PAIP1: variants seen among roughly 807,000 people sequenced by gnomAD.
PAIP1 encodes poly(A) binding protein interacting protein 1.
A neutral mutation model predicts 61.3 loss-of-function variants in PAIP1; 16 were observed. That is an observed-to-expected ratio of 0.26 (90% CI 0.18 to 0.40). PAIP1 has a LOEUF of 0.40. Ranked by LOEUF, PAIP1 falls within the 10% of genes least tolerant of loss-of-function variation. PAIP1 has a pLI of 1.00. For synonymous variants in PAIP1, 187 were observed against 226.2 expected, an observed-to-expected ratio of 0.83 and a Z score of 1.56; for missense variants, 416 against 600.9, an observed-to-expected ratio of 0.69 and a Z score of 3.22.
At chr5:43,546,024 C>T (rs887836959) in intron 3 of PAIP1, among the ~76,000 whole-genome samples, 2 of 152,220 alleles carry the variant, frequency 1.3e-5, no homozygotes, top group East Asian at 1.9e-4. Flanking sequence ...CCACCCGCCT[C>T]GGCCTCCCAA....
intron 2 of PAIP1, among the ~76,000 whole-genome samples, chr5:43,554,117 A>G (rs1339746283): frequency 1.3e-5 from 2 of 152,198 alleles, no homozygotes; most frequent in African/African-American, 4.8e-5. Flanking sequence ...GCAGTGGCTC[A>G]AAGTAGGTGG....
chr5:43,535,000 T>C (rs1747088355), intron 7 of PAIP1, 30 bp from the exon 8 acceptor site: 3 of 1,214,234 alleles, frequency 2.5e-6, no homozygotes, highest in South Asian at 2.4e-5. Flanking sequence ...TGAGTTAGTG[T>C]ATCCACCATA....
chr5:43,530,415 A>C (rs905916137), intron 9 of PAIP1, among the ~76,000 whole-genome samples: 6 of 152,322 alleles, frequency 3.9e-5, no homozygotes, highest in African/African-American at 1.4e-4. Context: ...CCTATCTGCC[A>C]ATTGTCTTAG....
chr5:43,528,846 T>C (rs4467713), intron 10 of PAIP1, among the ~76,000 whole-genome samples: 63,490 of 152,032 alleles, frequency 0.42, 15,927 homozygotes, highest in East Asian at 0.91. Context: ...GTTAACAGAA[T>C]TGGTACTAAA....
At chr5:43,555,183 GGTTA>G (rs1748013243) in intron 2 of PAIP1, among the ~76,000 whole-genome samples, 1 of 152,160 alleles carries the variant, frequency 6.6e-6, no homozygotes, top group African/African-American at 2.4e-5. Flanking sequence ...CTGGGATGCT[GGTTA>G]GTTGAGTGTT....
chr5:43,529,192 A>AGAAGT, intron 10 of PAIP1, among the ~76,000 whole-genome samples: 1 of 152,188 alleles, frequency 6.6e-6, no homozygotes, highest in East Asian at 1.9e-4. Flanking sequence ...GAAGCAGAAC[A>AGAAGT]GAAGTTGCCC....
chr5:43,530,622 G>A (rs965327766), intron 9 of PAIP1, among the ~76,000 whole-genome samples: 21 of 152,150 alleles, frequency 1.4e-4, no homozygotes, highest in African/African-American at 3.9e-4. Flanking sequence ...GTATAAAACC[G>A]TAACTCCAGC....
chr5:43,555,760 G>T, intron 2 of PAIP1, 70 bp downstream of exon 2: 3 of 1,348,190 alleles, frequency 2.2e-6, no homozygotes, highest in Non-Finnish European at 2.0e-6. Flanking sequence ...AACATACTCT[G>T]ATTAACAAAG....
chr5:43,542,532 T>TTA (rs1747455923), intron 4 of PAIP1, among the ~76,000 whole-genome samples: 2 of 95,708 alleles, frequency 2.1e-5, no homozygotes, highest in African/African-American at 9.9e-5. Flanking sequence ...AGACTCCATC[T>TTA]CAAAAAAAAA....
chr5:43,550,006 G>C (rs903521674), intron 2 of PAIP1, among the ~76,000 whole-genome samples: 1 of 151,046 alleles, frequency 6.6e-6, no homozygotes, highest in Non-Finnish European at 1.5e-5. Context: ...TTACAGGCGA[G>C]AGCCACCATG....
rs1406557405 is a variant in PAIP1 at position 43,556,880 on chromosome 5, G to A, written c.-34C>T. 2.9e-6 allele frequency: 4 copies of A among 1,365,920 alleles called. No individual in the cohort carries two copies. Among genetic ancestry groups the A allele is most frequent in the South Asian group, 1.8e-5 (1 of 57,092 alleles). The allele number at this position is 1,365,920 out of a possible 1,614,324, so 84.6% of individuals were successfully genotyped here. On this transcript the variant is annotated 5_prime_UTR_variant, in exon 1 of 11. Coordinates refer to ENST00000306846, the MANE Select transcript of PAIP1 (RefSeq NM_006451.5). ...TCCTCCGCCTCCTCCTCCAGGGGCCGCTGCCGCTGCGCTCGCGATAGGACG... is the reference window on the plus strand; with the variant it reads ...TCCTCCGCCTCCTCCTCCAGGGGCCACTGCCGCTGCGCTCGCGATAGGACG...
intron 2 of PAIP1, among the ~76,000 whole-genome samples, chr5:43,555,510 T>C (rs1748024346): frequency 6.6e-6 from 1 of 152,240 alleles, no homozygotes; most frequent in South Asian, 2.1e-4. Flanking sequence ...ATGTAAATAC[T>C]TTATCACAAC....
At chr5:43,554,959 A>C (rs1748004148) in intron 2 of PAIP1, among the ~76,000 whole-genome samples, 4 of 152,248 alleles carry the variant, frequency 2.6e-5, no homozygotes, top group South Asian at 2.1e-4. Context: ...GGAATGTTAT[A>C]AAAATAAGTC....
chr5:43,533,880 G>A (rs1042823545), intron 8 of PAIP1, 88 bp from the exon 9 acceptor site: 18 of 808,920 alleles, frequency 2.2e-5, no homozygotes, highest in Admixed American at 5.5e-5. Flanking sequence ...GATGTCACCC[G>A]TCTGCACCTA....
intron 4 of PAIP1, 61 bp from the exon 5 acceptor site, chr5:43,539,096 AATAACCAT>A: frequency 4.6e-6 from 5 of 1,090,008 alleles, no homozygotes; most frequent in Non-Finnish European, 7.0e-6. Context: ...AGTCAAACAA[AATAACCAT>A]TTGTCAGTTT....
intron 2 of PAIP1, among the ~76,000 whole-genome samples, chr5:43,555,361 T>C (rs1748019263): frequency 2.6e-5 from 4 of 152,262 alleles, no homozygotes; most frequent in Admixed American, 2.6e-4. Context: ...TTTACTCATC[T>C]GGGTTTATCC....
chr5:43,538,413 G>T (rs1469794862), intron 5 of PAIP1, among the ~76,000 whole-genome samples: 1 of 152,108 alleles, frequency 6.6e-6, no homozygotes, highest in Non-Finnish European at 1.5e-5. Flanking sequence ...ATTCTACGAT[G>T]TATGCATATA....
rs1747217992 is a variant in PAIP1 at position 43,537,923 on chromosome 5, G to A, written c.847-979C>T. 2.0e-5 allele frequency among the ~76,000 whole-genome samples: 3 copies of A among 150,704 alleles called. No individual in the cohort carries two copies. In the South Asian group the frequency reaches 6.3e-4, roughly 32 times the overall value. On this transcript the variant is annotated intron_variant, in intron 5 of 10. Coordinates refer to ENST00000306846, the MANE Select transcript of PAIP1 (RefSeq NM_006451.5). ...GCAGGAGAATCGCTTGAACCCGGGA[G>A]GCGGAGGTTGTAGTGAGCCGAGATC...
At position 43,556,924 on chromosome 5, in the gene PAIP1, G is replaced by A; in HGVS notation, c.-78C>T. ...TAGGACGCGGGGGGAAGGCGCCGCG[G>A]GTCGGCTATAGCCGCCGCGCCTCAC... On this transcript the variant is annotated 5_prime_UTR_variant, in exon 1 of 11. Transcript: ENST00000306846. 1 of 1,314,046 alleles carries A rather than the reference G, an allele frequency of 7.6e-7. No individual in the cohort carries two copies. The highest frequency in any genetic ancestry group is 9.7e-7 in the Non-Finnish European group (1 of 1,034,186). 81.4% of individuals were successfully genotyped at this position (1,314,046 alleles called of 1,614,324 possible). A position where few individuals can be genotyped will look rare whatever the true frequency, so the allele number is the denominator to read the frequency against.
Sources: gnomAD v4.1 joint callset for allele counts (sites outside exome capture counted in the v4.1 genomes callset) on GRCh38, gnomAD v4.1.1 for gene constraint, MANE v1.5 for transcripts, NCBI Gene and HGNC (gene_info 2026-07-23, HGNC 2026-07-21) for gene names.